The following KLHL28 variants were observed in gnomAD, a reference collection of about 807,000 sequenced individuals.
The protein encoded by KLHL28 is kelch like family member 28.
Under a neutral mutation model 48.3 loss-of-function variants are expected in KLHL28, and 22 were observed. The ratio of observed to expected loss-of-function variants is 0.46; its 90% confidence interval spans 0.33 to 0.65. The LOEUF is 0.65. Ranked by LOEUF, KLHL28 falls within the 30% of genes least tolerant of loss-of-function variation. The pLI, the probability that KLHL28 is intolerant of heterozygous loss-of-function variation, is 0.03. For missense variants in KLHL28, 527 were observed against 704.3 expected, an observed-to-expected ratio of 0.75 and a Z score of 2.85; for synonymous variants, 243 against 242.4, an observed-to-expected ratio of 1.00 and a Z score of -0.02.
chr14:44,957,664 C>T (rs1448152312), intron 1 of KLHL28, among the ~76,000 whole-genome samples: 1 of 152,120 alleles, frequency 6.6e-6, no homozygotes, highest in African/African-American at 2.4e-5. Flanking sequence ...TTCCTTTCAT[C>T]CTCAGAGCAA....
At chr14:44,941,391 G>A (rs997946148) in intron 2 of KLHL28, among the ~76,000 whole-genome samples, 2 of 151,970 alleles carry the variant, frequency 1.3e-5, no homozygotes, top group Non-Finnish European at 2.9e-5. Context: ...CAGCACTGTG[G>A]AAGGCTGAGG....
chr14:44,951,059 A>C (rs1884558111), intron 1 of KLHL28, among the ~76,000 whole-genome samples: 1 of 152,246 alleles, frequency 6.6e-6, no homozygotes, highest in African/African-American at 2.4e-5. Flanking sequence ...AACTGCCTGG[A>C]TCCTTGTCCC....
chr14:44,924,643 A>G lies in KLHL28; in HGVS notation c.*4385T>C, dbSNP rs1438355108. On this transcript the variant is annotated 3_prime_UTR_variant, in exon 5 of 5. Coordinates refer to ENST00000396128, the MANE Select transcript of KLHL28 (RefSeq NM_017658.5). ...AATTTCAGAATCCTGTTAAAATCAA[A>G]ACCGTTGCTGGTTTATAATACACAG... 6.6e-6 allele frequency: 1 copy of G among 152,618 alleles called. No homozygotes were observed. The highest frequency in any genetic ancestry group is 1.9e-4 in the East Asian group (1 of 5,196). 9.5% of individuals were successfully genotyped at this position (152,618 alleles called of 1,614,324 possible).
chr14:44,957,601 C>A (rs921261489), intron 1 of KLHL28, among the ~76,000 whole-genome samples: 6 of 152,070 alleles, frequency 3.9e-5, no homozygotes, highest in African/African-American at 1.4e-4. Context: ...TCTAGAATAC[C>A]TTTGACTGTC....
chr14:44,950,384 G>C (rs1485101228), intron 1 of KLHL28, among the ~76,000 whole-genome samples: 1 of 152,064 alleles, frequency 6.6e-6, no homozygotes, highest in Non-Finnish European at 1.5e-5. Flanking sequence ...ATGAAGTATT[G>C]ACTAGATTCA....
intron 1 of KLHL28, among the ~76,000 whole-genome samples, chr14:44,948,276 A>G (rs963665024): frequency 2.0e-5 from 3 of 152,136 alleles, no homozygotes; most frequent in African/African-American, 7.2e-5. Context: ...GTTTTTGAGG[A>G]TCAAATCAGA....
chr14:44,930,054 T>A (rs561006383), intron 4 of KLHL28, among the ~76,000 whole-genome samples: 2 of 152,296 alleles, frequency 1.3e-5, no homozygotes, highest in African/African-American at 4.8e-5. Context: ...ACTTTAGATA[T>A]TATCTTATAT....
chr14:44,930,638 T>G (rs1358458859), intron 4 of KLHL28, among the ~76,000 whole-genome samples: 1 of 152,212 alleles, frequency 6.6e-6, no homozygotes, highest in African/African-American at 2.4e-5. Context: ...ACACTTTAGA[T>G]TTTTGAACTT....
In KLHL28 at chr14:44,928,798, C is replaced by T. The variant is rs1156559666; in HGVS notation, c.*230G>A. On this transcript the variant is annotated 3_prime_UTR_variant, in exon 5 of 5. Transcript: ENST00000396128. ...AAGTGCAGAATTCAATTGGCAAAGTCTTTACTTTTTTTTTTTCTCTTTTTT... is the reference window on the plus strand; with the variant it reads ...AAGTGCAGAATTCAATTGGCAAAGTTTTTACTTTTTTTTTTTCTCTTTTTT... 12 of 330,152 alleles carry T rather than the reference C, an allele frequency of 3.6e-5. No individual in the cohort carries two copies. Among genetic ancestry groups the T allele is most frequent in the Non-Finnish European group, 2.2e-5 (4 of 182,060 alleles). 20.5% of individuals were successfully genotyped at this position (330,152 alleles called of 1,614,324 possible).
chr14:44,937,952 A>G (rs1383381969), intron 2 of KLHL28, among the ~76,000 whole-genome samples: 1 of 152,230 alleles, frequency 6.6e-6, no homozygotes, highest in East Asian at 1.9e-4. Context: ...TCACCTATTA[A>G]AGGCCCCACC....
At chr14:44,954,560 C>T (rs980146865) in intron 1 of KLHL28, among the ~76,000 whole-genome samples, 1 of 152,252 alleles carries the variant, frequency 6.6e-6, no homozygotes, top group African/African-American at 2.4e-5. Flanking sequence ...AGTGATCTCC[C>T]TGATCTAAGC....
intron 1 of KLHL28, among the ~76,000 whole-genome samples, chr14:44,958,411 C>T (rs779088413): frequency 9.2e-5 from 14 of 151,696 alleles, no homozygotes; most frequent in Non-Finnish European, 1.6e-4. Context: ...AAATTCAAAC[C>T]GACAGTTTTC....
Position 44,945,025 on chromosome 14 carries a change from T to G in KLHL28, c.899+5A>C, listed in dbSNP as rs551750193. The G allele has an allele frequency of 2.9e-5, 45 of 1,573,238 alleles. No individual in the cohort carries two copies. The South Asian group carries it at 5.2e-4, about 18-fold the overall frequency. On this transcript the variant is annotated splice_donor_5th_base_variant and intron_variant, in intron 2 of 4. Coordinates refer to ENST00000396128, the MANE Select transcript of KLHL28 (RefSeq NM_017658.5). ...ATCATTCATTTAGGAAAGCCTTCTA[T>G]TTACCTATCCAAACAGGCAAAGAGT...
intron 2 of KLHL28, among the ~76,000 whole-genome samples, chr14:44,943,192 TATAA>T (rs1884175497): frequency 6.6e-6 from 1 of 152,242 alleles, no homozygotes; most frequent in South Asian, 2.1e-4. Context: ...ATTTTTACAC[TATAA>T]ATACATATTC....
rs201824274 is a variant in KLHL28 at position 44,945,170 on chromosome 14, A to G, written c.759T>C (p.Leu253=). The change falls in exon 2 of 5, where the codon CTT becomes CTC. Residue 253 remains leucine, a synonymous_variant. Coordinates refer to ENST00000396128, the MANE Select transcript of KLHL28 (RefSeq NM_017658.5). ...LIRDDRTCKH[L]LNEALKYHFM... is the part of the protein sequence containing the mutation. ...AGTGGTACTTTAGGGCTTCATTCAA[A>G]AGATGTTTACAAGTGCGATCATCAC... 3.9e-4 allele frequency: 633 copies of G among 1,614,164 alleles called. 1 individual carries two copies. The highest frequency in any genetic ancestry group is 4.2e-4 in the Non-Finnish European group (493 of 1,180,006).
chr14:44,934,020 T>C (rs1883698115), intron 3 of KLHL28, 95 bp downstream of exon 3: 2 of 953,996 alleles, frequency 2.1e-6, no homozygotes, highest in East Asian at 5.2e-5. Flanking sequence ...CGGAAGTTCA[T>C]TCATACACAC....
At position 44,945,202 on chromosome 14, in the gene KLHL28, G is replaced by T; in HGVS notation, c.727C>A (p.Leu243Ile). Residue 243 changes from leucine to isoleucine, a missense_variant, in exon 2 of 5, where the codon CTT (leucine) becomes ATT (isoleucine). Transcript: ENST00000396128. ...TTACAAGTGCGATCATCACGAATAAGATGATTTGCTTCATATAGTCTAGTG... is the reference window on the plus strand; with the variant it reads ...TTACAAGTGCGATCATCACGAATAATATGATTTGCTTCATATAGTCTAGTG... The part of the protein sequence containing the change: ...FLTRLYEANH[L>I]IRDDRTCKHL... 6.2e-7 allele frequency: 1 copy of T among 1,614,144 alleles called. No individual in the cohort carries two copies. Among genetic ancestry groups the T allele is most frequent in the South Asian group, 1.1e-5 (1 of 91,078 alleles).
intron 1 of KLHL28, among the ~76,000 whole-genome samples, chr14:44,951,614 G>T (rs147792270): frequency 9.9e-4 from 150 of 152,232 alleles, no homozygotes; most frequent in Non-Finnish European, 1.5e-3. Flanking sequence ...CAAAGAAAAG[G>T]CACTGGTAAA....
chr14:44,961,013 A>C (rs11157424), intron 1 of KLHL28: 71,208 of 758,318 alleles, frequency 0.094, 6,242 homozygotes, highest in African/African-American at 0.37. Flanking sequence ...AAAAAAAAAT[A>C]TCTCTTCCAC....
Sources: gnomAD v4.1 joint callset for allele counts (sites outside exome capture counted in the v4.1 genomes callset) on GRCh38, gnomAD v4.1.1 for gene constraint, MANE v1.5 for transcripts, NCBI Gene and HGNC (gene_info 2026-07-23, HGNC 2026-07-21) for gene names.